Variants in SH3RF3 observed in about 807,000 individuals in gnomAD.
The protein encoded by SH3RF3 is E3 ubiquitin-protein ligase SH3RF3.
In SH3RF3, 29 loss-of-function variants were observed where a neutral mutation model predicts 66.3. The observed-to-expected ratio is 0.44, with a 90% CI of 0.33 to 0.60. SH3RF3 has a LOEUF of 0.60. Among genes scored for constraint, SH3RF3 ranks in the 20% least tolerant of loss-of-function variants. The pLI is 0.04. For synonymous variants in SH3RF3, 583 were observed against 532.0 expected, an observed-to-expected ratio of 1.10 and a Z score of -1.32; for missense variants, 1,194 against 1,190.9, an observed-to-expected ratio of 1.00 and a Z score of -0.04.
chr2:109,198,961 A>G (rs918725940), intron 1 of SH3RF3, among the ~76,000 whole-genome samples: 1 of 152,196 alleles, frequency 6.6e-6, no homozygotes, highest in Non-Finnish European at 1.5e-5. Context: ...ACCCCATGGT[A>G]TATGCAGTCA....
In SH3RF3 at chr2:109,169,706, A is replaced by C. The variant is rs188103738; in HGVS notation, c.573+39593A>C. ...ATTGTTTGGCTATATCTCTCTCTCT[A>C]TATATATCTATATATATAACCAAAA... On this transcript the variant is annotated intron_variant, in intron 1 of 9. Coordinates refer to ENST00000309415, the MANE Select transcript of SH3RF3 (RefSeq NM_001099289.3). Among the ~76,000 whole-genome samples the C allele has an allele frequency of 3.0e-3, 459 of 151,580 alleles. 1 individual carries two copies. Among genetic ancestry groups the C allele is most frequent in the African/African-American group, 8.1e-3 (333 of 41,178 alleles).
At chr2:109,398,996 C>G in intron 4 of SH3RF3, 53 bp downstream of exon 4, 1 of 1,522,664 alleles carries the variant, frequency 6.6e-7, no homozygotes, top group Admixed American at 1.9e-5. Context: ...GGGTTCTATC[C>G]TCAGCTCCGT....
At chr2:109,282,518 G>C (rs549319974) in intron 1 of SH3RF3, among the ~76,000 whole-genome samples, 3 of 152,278 alleles carry the variant, frequency 2.0e-5, no homozygotes, top group Non-Finnish European at 1.5e-5. Flanking sequence ...TGCGGTGGGA[G>C]GACAGGGGAG....
At chr2:109,441,706 A>C (rs1677568763) in intron 7 of SH3RF3, among the ~76,000 whole-genome samples, 1 of 152,244 alleles carries the variant, frequency 6.6e-6, no homozygotes. Flanking sequence ...GTTGGTGAAC[A>C]CCAAGCACAA....
intron 2 of SH3RF3, among the ~76,000 whole-genome samples, chr2:109,349,417 C>T (rs1029821169): frequency 1.3e-5 from 2 of 152,218 alleles, no homozygotes; most frequent in African/African-American, 4.8e-5. Context: ...TCCCTCCCCA[C>T]TCAGTCGGAG....
rs1334058118 is a variant in SH3RF3 at position 109,129,974 on chromosome 2, C to T, written c.434C>T (p.Ala145Val). ...PPARPIPGQS[A>V]APTLAGGGGG... ...GCGCGTCCCATCCCAGGCCAGAGTG[C>T]GGCCCCCACGCTCGCGGGCGGCGGG... Residue 145 changes from alanine (A) to valine (V), a missense_variant, in exon 1 of 10, where the codon GCG becomes GTG. Ala to Val is a moderately conservative substitution (Grantham distance 64). Transcript: ENST00000309415. 22 of 1,326,274 alleles carry T rather than the reference C, an allele frequency of 1.7e-5. No homozygotes were observed. Among genetic ancestry groups the T allele is most frequent in the Non-Finnish European group, 1.2e-5 (13 of 1,043,756 alleles). The allele number at this position is 1,326,274 out of a possible 1,614,324, so 82.2% of individuals were successfully genotyped here.
intron 3 of SH3RF3, among the ~76,000 whole-genome samples, chr2:109,397,749 T>C (rs1206813648): frequency 6.6e-6 from 1 of 152,110 alleles, no homozygotes; most frequent in African/African-American, 2.4e-5. Flanking sequence ...CCCCTCCAGG[T>C]GATGCCGCAG....
At chr2:109,447,936 A>G (rs1355676006) in intron 7 of SH3RF3, among the ~76,000 whole-genome samples, 1 of 152,180 alleles carries the variant, frequency 6.6e-6, no homozygotes, top group African/African-American at 2.4e-5. Flanking sequence ...TTCGACATGC[A>G]GGCAGAGCAG....
intron 1 of SH3RF3, among the ~76,000 whole-genome samples, chr2:109,193,152 G>C (rs574594314): frequency 1.3e-5 from 2 of 152,218 alleles, no homozygotes; most frequent in Non-Finnish European, 2.9e-5. Flanking sequence ...CAGAGGAAAG[G>C]CCAGAGGTCT....
intron 8 of SH3RF3, among the ~76,000 whole-genome samples, chr2:109,467,545 C>T (rs541384144): frequency 1.3e-5 from 2 of 152,320 alleles, no homozygotes; most frequent in East Asian, 1.9e-4. Context: ...CAATGCACAT[C>T]GCCCAGATGG....
intron 1 of SH3RF3, among the ~76,000 whole-genome samples, chr2:109,252,882 G>A (rs1262608694): frequency 1.3e-5 from 2 of 152,154 alleles, no homozygotes; most frequent in East Asian, 1.9e-4. Flanking sequence ...GTATTGTATT[G>A]TACCATCATA....
At chr2:109,380,514 A>T (rs1683488099) in intron 3 of SH3RF3, among the ~76,000 whole-genome samples, 1 of 152,192 alleles carries the variant, frequency 6.6e-6, no homozygotes, top group Non-Finnish European at 1.5e-5. Context: ...TAAGCTGGGA[A>T]GCTTGCAGCA....
intron 1 of SH3RF3, among the ~76,000 whole-genome samples, chr2:109,156,274 C>G (rs560001666): frequency 1.3e-5 from 2 of 152,196 alleles, no homozygotes; most frequent in Non-Finnish European, 2.9e-5. Flanking sequence ...CACCAGAGAT[C>G]GAGTTGCTAT....
chr2:109,380,205 G>A (rs896539995), intron 3 of SH3RF3, among the ~76,000 whole-genome samples: 17 of 152,198 alleles, frequency 1.1e-4, no homozygotes, highest in Middle Eastern at 3.4e-3. Flanking sequence ...GTACCGGCTC[G>A]CCCTGATTTC....
intron 1 of SH3RF3, among the ~76,000 whole-genome samples, chr2:109,154,558 G>A (rs1203796501): frequency 6.6e-6 from 1 of 152,178 alleles, no homozygotes; most frequent in Non-Finnish European, 1.5e-5. Context: ...AGTTTGAATT[G>A]GCCCTAGTTC....
intron 2 of SH3RF3, among the ~76,000 whole-genome samples, chr2:109,358,572 CTGTCTTCTTTGGTGAAG>C (rs1243275567): frequency 3.3e-5 from 5 of 152,236 alleles, no homozygotes; most frequent in Non-Finnish European, 5.9e-5. Flanking sequence ...ACACACTACA[CTGTCTTCTTTGGTGAAG>C]TGTCTTCTTT....
intron 1 of SH3RF3, among the ~76,000 whole-genome samples, chr2:109,256,297 G>C (rs1354208664): frequency 6.6e-6 from 1 of 152,212 alleles, no homozygotes; most frequent in Non-Finnish European, 1.5e-5. Context: ...ACTGGGAGTG[G>C]GGGAAGTTGA....
rs890881009 is a variant in SH3RF3 at position 109,371,215 on chromosome 2, A to G, written c.850-371A>G. Among the ~76,000 whole-genome samples, 13 of 152,260 alleles carry G rather than the reference A, an allele frequency of 8.5e-5. No individual in the cohort carries two copies. The East Asian group carries it at 2.3e-3, about 27-fold the overall frequency. ...ACCAGCCTGGGCAACATGGCAAGAC[A>G]CCATCTCTACCAAAAAATACAAAAA... On this transcript the variant is annotated intron_variant, in intron 2 of 9. Transcript: ENST00000309415.
At chr2:109,247,704 A>G (rs998120003) in intron 1 of SH3RF3, among the ~76,000 whole-genome samples, 14 of 152,176 alleles carry the variant, frequency 9.2e-5, no homozygotes, top group African/African-American at 3.4e-4. Flanking sequence ...CATCTTCTAT[A>G]TGTTTTTCCC....
Sources: allele counts gnomAD v4.1 joint callset (sites outside exome capture counted in the v4.1 genomes callset), GRCh38; gene constraint gnomAD v4.1.1; transcripts MANE v1.5; gene names NCBI Gene and HGNC (gene_info 2026-07-23, HGNC 2026-07-21).